The following UBR3 variants were observed in gnomAD, a reference collection of about 807,000 sequenced individuals.
UBR3 encodes the protein ubiquitin protein ligase E3 component n-recognin 3, also known as E3 ubiquitin-protein ligase UBR3.
A neutral mutation model predicts 243.2 loss-of-function variants in UBR3; 85 were observed. That is an observed-to-expected ratio of 0.35 (90% CI 0.29 to 0.42). The LOEUF is 0.42. Among genes scored for constraint, UBR3 ranks in the 10% least tolerant of loss-of-function variants. The probability of loss-of-function intolerance (pLI) is 1.00; values close to 1 mark genes in which losing one functional copy is unlikely to be tolerated. For missense variants in UBR3, 1,686 were observed against 2,300.8 expected (o/e 0.73, Z 5.47); for synonymous variants, 748 against 799.8 (o/e 0.94, Z 1.09).
At chr2:170,063,417 T>C (rs567321305) in intron 35 of UBR3, among the ~76,000 whole-genome samples, 17 of 152,118 alleles carry the variant, frequency 1.1e-4, no homozygotes, top group Non-Finnish European at 2.1e-4. Flanking sequence ...GAGCTTTAGA[T>C]AGAAATTTGT....
At chr2:170,005,190 C>G (rs1361486982) in intron 27 of UBR3, among the ~76,000 whole-genome samples, 2 of 152,186 alleles carry the variant, frequency 1.3e-5, no homozygotes, top group Admixed American at 6.5e-5. Context: ...CGCCACTGCA[C>G]TCCAGTCTGG....
chr2:169,856,561 G>A (rs917835196), intron 1 of UBR3, among the ~76,000 whole-genome samples: 7 of 152,218 alleles, frequency 4.6e-5, no homozygotes, highest in African/African-American at 9.6e-5. Context: ...CTGAGTGAGC[G>A]AGACTCCGTC....
intron 26 of UBR3, among the ~76,000 whole-genome samples, chr2:169,995,584 G>A (rs1381884424): frequency 1.3e-5 from 2 of 152,150 alleles, no homozygotes; most frequent in African/African-American, 2.4e-5. Flanking sequence ...TTAAAGTGAG[G>A]ACTTAATGTA....
chr2:169,954,201 TTG>T (rs2087163655), intron 23 of UBR3, among the ~76,000 whole-genome samples: 1 of 151,536 alleles, frequency 6.6e-6, no homozygotes, highest in African/African-American at 2.4e-5. Flanking sequence ...TTGTCTTGTC[TTG>T]TCTTGTCTTG....
intron 31 of UBR3, among the ~76,000 whole-genome samples, chr2:170,029,967 A>G (rs2090626826): frequency 6.6e-6 from 1 of 152,148 alleles, no homozygotes; most frequent in African/African-American, 2.4e-5. Context: ...ACAGTTTGGC[A>G]GGATGAATAC....
At chr2:169,853,336 T>A (rs1258497709) in intron 1 of UBR3, among the ~76,000 whole-genome samples, 3 of 152,242 alleles carry the variant, frequency 2.0e-5, no homozygotes, top group Non-Finnish European at 4.4e-5. Context: ...GCAGGATCTT[T>A]TTGTCAGGCA....
chr2:169,838,388 TGTGTGTGTG>T (rs2082180634), intron 1 of UBR3, among the ~76,000 whole-genome samples: 1 of 1,850 alleles, frequency 5.4e-4, no homozygotes, highest in South Asian at 0.028. Context: ...TTAAGGCATT[TGTGTGTGTG>T]TGTGTGTGTG....
Position 169,891,396 on chromosome 2 carries a change from C to T in UBR3, c.1105+165C>T, listed in dbSNP as rs74747857. ...AAGTCTTGGAGAAAGTATTGTTAAG[C>T]GATTACTATTGGGTTTTGTTCATTA... On this transcript the variant is annotated intron_variant, in intron 6 of 38. Coordinates refer to ENST00000272793, the MANE Select transcript of UBR3 (RefSeq NM_172070.4). 8.5e-3 allele frequency among the ~76,000 whole-genome samples: 1,287 copies of T among 152,044 alleles called. 23 individuals are homozygous for T. The highest frequency in any genetic ancestry group is 0.029 in the African/African-American group (1,201 of 41,458).
At chr2:170,055,121 G>A (rs1237499886) in intron 32 of UBR3, among the ~76,000 whole-genome samples, 3 of 152,118 alleles carry the variant, frequency 2.0e-5, no homozygotes, top group African/African-American at 4.8e-5. Flanking sequence ...AACATAGGGA[G>A]GCCCCATCTC....
intron 28 of UBR3, among the ~76,000 whole-genome samples, chr2:170,008,254 A>G (rs1243900551): frequency 1.3e-5 from 2 of 152,244 alleles, no homozygotes; most frequent in African/African-American, 4.8e-5. Flanking sequence ...TGGTTTATGT[A>G]GTAAATTTGT....
chr2:170,061,504 GT>G, intron 35 of UBR3, 61 bp downstream of exon 35: 1 of 1,584,360 alleles, frequency 6.3e-7, no homozygotes, highest in Non-Finnish European at 8.6e-7. Flanking sequence ...GTCTCTCTCT[GT>G]TGCCCAGACT....
At chr2:169,839,390 ATAAGT>A (rs2082215830) in intron 1 of UBR3, among the ~76,000 whole-genome samples, 1 of 152,224 alleles carries the variant, frequency 6.6e-6, no homozygotes, top group South Asian at 2.1e-4. Flanking sequence ...GGGGATAAAG[ATAAGT>A]TAATTAGTGG....
At chr2:169,831,746 A>T (rs1018033933) in intron 1 of UBR3, among the ~76,000 whole-genome samples, 43 of 152,318 alleles carry the variant, frequency 2.8e-4, no homozygotes, top group African/African-American at 9.9e-4. Context: ...ACAGCTTGTA[A>T]CAGTGTTCTC....
Position 169,926,886 on chromosome 2 carries a change from A to G in UBR3, c.2253A>G (p.Thr751=), listed in dbSNP as rs1214443128. 5 of 1,550,670 alleles carry G rather than the reference A, an allele frequency of 3.2e-6. No homozygotes were observed. Among genetic ancestry groups the G allele is most frequent in the Non-Finnish European group, 4.4e-6 (5 of 1,146,206 alleles). The change falls in exon 16 of 39, where the codon ACA becomes ACG. Residue 751 remains threonine (T), a synonymous_variant. Coordinates refer to ENST00000272793, the MANE Select transcript of UBR3 (RefSeq NM_172070.4). ...LLTMASQHQN[T]VLDAEHERSM... ...CAATGGCATCACAACATCAAAATAC[A>G]GTACTTGATGCAGAGCATGAGAGGT...
At position 170,015,386 on chromosome 2, in the gene UBR3, A is replaced by C. The variant is rs1396653789; in HGVS notation, c.4453+20A>C. The C allele has an allele frequency of 6.4e-7, 1 of 1,564,160 alleles. No individual in the cohort carries two copies. The highest frequency in any genetic ancestry group is 1.4e-5 in the African/African-American group (1 of 72,692). On this transcript the variant is annotated intron_variant, in intron 30 of 38. Transcript: ENST00000272793. ...GTTTAAGTAAGTACTAAATACTGCT[A>C]AATTTAAAAAAAATTCTGTCATTTT...
intron 23 of UBR3, among the ~76,000 whole-genome samples, chr2:169,956,014 G>T (rs73017616): frequency 0.097 from 14,731 of 151,814 alleles, 851 homozygotes; most frequent in African/African-American, 0.16. Flanking sequence ...GGAAGGTAGT[G>T]TGAGAGAGGA....
chr2:169,948,077 G>A (rs73017603), intron 22 of UBR3: 17,293 of 352,616 alleles, frequency 0.049, 476 homozygotes, highest in Middle Eastern at 0.064. Flanking sequence ...GGATTTATGT[G>A]TGTTTTTTTT....
intron 35 of UBR3, among the ~76,000 whole-genome samples, chr2:170,067,870 G>A (rs1426132266): frequency 6.6e-6 from 1 of 150,816 alleles, no homozygotes; most frequent in Non-Finnish European, 1.5e-5. Context: ...CTGGGTTCAA[G>A]CAATTCTTCT....
chr2:169,914,798 C>A (rs1025144159), intron 11 of UBR3, among the ~76,000 whole-genome samples: 1 of 151,928 alleles, frequency 6.6e-6, no homozygotes, highest in African/African-American at 2.4e-5. Context: ...CACACAGAAC[C>A]GTTGCTGTGT....
Sources: gnomAD v4.1 joint callset for allele counts (sites outside exome capture counted in the v4.1 genomes callset) on GRCh38, gnomAD v4.1.1 for gene constraint, MANE v1.5 for transcripts, NCBI Gene and HGNC (gene_info 2026-07-23, HGNC 2026-07-21) for gene names.